Variants in FADS2 observed in about 807,000 individuals in gnomAD.
FADS2 encodes the protein fatty acid desaturase 2.
FADS2 carries 18 observed loss-of-function variants against 61.2 expected under a neutral mutation model. The ratio of observed to expected loss-of-function variants is 0.29; its 90% CI spans 0.20 to 0.44. The LOEUF (loss-of-function observed/expected upper bound fraction) is 0.44, where lower values mean the gene tolerates loss of function less well. FADS2 is among the 20% of genes least tolerant of loss of function. The pLI is 1.00. For missense variants in FADS2, 322 were observed against 572.7 expected (o/e 0.56, Z 4.47); for synonymous variants, 203 against 223.9 (o/e 0.91, Z 0.83).
At chr11:61,827,592 G>A (rs1325794071), upstream of FADS2, among the ~76,000 whole-genome samples, 3 of 152,222 alleles carry the variant, frequency 2.0e-5, no homozygotes, top group Admixed American at 1.3e-4. This position sits in a 1 kb window ranked among gnomAD's most constrained non-coding sequence, Gnocchi z 4.5. Flanking sequence ...CCAAGGAAGG[G>A]CGTCACCTAG....
At chr11:61,826,400 C>A (rs1409387705), upstream of FADS2, 6 of 702,372 alleles carry the variant, frequency 8.5e-6, no homozygotes, top group Admixed American at 2.0e-5. Flanking sequence ...AGGGCCTGAA[C>A]CTTCAAAGCC....
intron 1 of FADS2, among the ~76,000 whole-genome samples, chr11:61,818,566 G>A (rs548767333): frequency 7.2e-5 from 11 of 152,240 alleles, no homozygotes; most frequent in Admixed American, 3.3e-4. Flanking sequence ...TAAGAAAATC[G>A]CCAAGCTTAT....
At position 61,867,098 on chromosome 11, in the gene FADS2, T is replaced by C. The variant is rs2067478215; in HGVS notation, c.*1409T>C. On this transcript the variant is annotated 3_prime_UTR_variant, in exon 12 of 12. Coordinates refer to ENST00000278840, the MANE Select transcript of FADS2 (RefSeq NM_004265.4). ...TCTAACCCACTAATCAGTTCTTAGA[T>C]TCAGGGGAAGGGCAGGCACCAACAA... 2 of 152,194 alleles carry C rather than the reference T, an allele frequency of 1.3e-5. No individual in the cohort carries two copies. The highest frequency in any genetic ancestry group is 3.8e-4 in the East Asian group (2 of 5,278). The allele number at this position is 152,194 out of a possible 1,614,324, so 9.4% of individuals were successfully genotyped here. A position where few individuals can be genotyped will look rare whatever the true frequency, so the allele number is the denominator to read the frequency against.
chr11:61,851,157 C>T (rs1326395227), intron 5 of FADS2, among the ~76,000 whole-genome samples: 1 of 152,096 alleles, frequency 6.6e-6, no homozygotes, highest in East Asian at 1.9e-4. Context: ...ACTTGAGGCC[C>T]TCTGATAAGT....
At chr11:61,854,259 A>G (rs1036901477) in intron 5 of FADS2, 1 of 152,266 alleles carries the variant, frequency 6.6e-6, no homozygotes, top group Non-Finnish European at 1.5e-5. Context: ...CTGAGCCCCC[A>G]GTTGGGAAGA....
chr11:61,828,925 A>G lies in FADS2; in HGVS notation c.207+328A>G, dbSNP rs2067104904. ...GTTTGTCTGGAGGCAGGGACTCCCC[A>G]AGAGGGGCGCTCGGGCCAGACGGCT... is the stretch of plus-strand genomic sequence containing the variant. On this transcript the variant is annotated intron_variant, in intron 1 of 11. Coordinates refer to ENST00000278840, the MANE Select transcript of FADS2 (RefSeq NM_004265.4). The surrounding 1 kb of genome is among the most constrained non-coding windows in gnomAD (Gnocchi z 6.4). Among the ~76,000 whole-genome samples, 1 of 152,178 alleles carries G rather than the reference A, an allele frequency of 6.6e-6. No homozygotes were observed.
chr11:61,816,971 G>A lies in FADS2; in HGVS notation c.141+545G>A, dbSNP rs577380024. ...CGCGGGGAGCGAGATCCCGTCCCCC[G>A]GTGGGTCTTGGGCAACTCACAGCTG... On this transcript the variant is annotated intron_variant, in intron 1 of 11. Transcript: ENST00000257261. The surrounding 1 kb of genome is among the most constrained non-coding windows in gnomAD (Gnocchi z 7.0). 2.2e-6 allele frequency: 3 copies of A among 1,368,080 alleles called. No homozygotes were observed. Among genetic ancestry groups the A allele is most frequent in the South Asian group, 1.7e-5 (1 of 58,626 alleles). The allele number at this position is 1,368,080 out of a possible 1,614,324, so 84.7% of individuals were successfully genotyped here.
At chr11:61,863,957 C>A (rs1179101706) in intron 10 of FADS2, 171 bp downstream of exon 10, 7 of 604,074 alleles carry the variant, frequency 1.2e-5, no homozygotes. Flanking sequence ...AGGAGAGGGG[C>A]TCCCCTATTC....
chr11:61,828,536 G>T lies in FADS2; in HGVS notation c.146G>T (p.Trp49Leu). The T allele has an allele frequency of 6.2e-7, 1 of 1,614,030 alleles. No individual in the cohort carries two copies. The highest frequency in any genetic ancestry group is 1.3e-5 in the African/African-American group (1 of 75,058). The change falls in exon 1 of 12, where the codon TGG becomes TTG. Residue 49 changes from tryptophan to leucine, a missense_variant. Physicochemically the swap from Trp to Leu is moderately conservative, Grantham distance 61. Coordinates refer to ENST00000278840, the MANE Select transcript of FADS2 (RefSeq NM_004265.4). The surrounding 1 kb of genome is among the most constrained non-coding windows in gnomAD (Gnocchi z 6.4). ...CGCAAGGTTTACAACATCACCAAAT[G>T]GTCCATCCAGCACCCGGGGGGCCAG... ...IDRKVYNITK[W>L]SIQHPGGQRV... is the part of the protein sequence containing the mutation.
chr11:61,857,028 GA>G lies in FADS2; in HGVS notation c.765del (p.Lys255AsnfsTer14). The G allele has an allele frequency of 6.2e-7, 1 of 1,614,002 alleles. No individual in the cohort carries two copies. Among genetic ancestry groups the G allele is most frequent in the Non-Finnish European group, 8.5e-7 (1 of 1,179,946 alleles). Reference sequence around the variant, plus strand: ...CTCCTCAGTACGGCAAGAAGAAGCTGAAATACCTGCCCTACAATCACCAGCA... The same window carrying G: ...CTCCTCAGTACGGCAAGAAGAAGCTGAATACCTGCCCTACAATCACCAGCA... ...QPIEYGKKKL[K>X]YLPYNHQHEY... is the part of the protein sequence containing the mutation. On this transcript the variant is annotated frameshift_variant, in exon 6 of 12. Transcript: ENST00000278840. LOFTEE classifies it high-confidence loss of function.
chr11:61,857,985 G>A (rs868104257), intron 7 of FADS2, among the ~76,000 whole-genome samples: 6 of 152,282 alleles, frequency 3.9e-5, no homozygotes, highest in East Asian at 1.9e-4. Flanking sequence ...AAGCAGCAGC[G>A]ATGTGTTTTC....
intron 4 of FADS2, among the ~76,000 whole-genome samples, chr11:61,842,141 G>A (rs1045466953): frequency 9.2e-5 from 14 of 152,308 alleles, no homozygotes; most frequent in African/African-American, 2.6e-4. Flanking sequence ...TACATGTGGG[G>A]TGTAGCTTAT....
At chr11:61,861,661 C>T (rs1292119675) in intron 7 of FADS2, among the ~76,000 whole-genome samples, 2 of 152,232 alleles carry the variant, frequency 1.3e-5, no homozygotes, top group South Asian at 2.1e-4. Context: ...TGAGGTCCTG[C>T]CCTCGGCCAA....
intron 4 of FADS2, 159 bp from the exon 5 acceptor site, chr11:61,848,000 C>G (rs1163860904): frequency 1.3e-6 from 1 of 760,640 alleles, no homozygotes; most frequent in Non-Finnish European, 2.2e-6. Context: ...ATGCTCTGAG[C>G]TCAGTCATGG....
At chr11:61,820,886 C>T (rs2135947139) in intron 1 of FADS2, among the ~76,000 whole-genome samples, 1 of 152,162 alleles carries the variant, frequency 6.6e-6, no homozygotes, top group South Asian at 2.1e-4. Context: ...GGTGACAGAG[C>T]CAGACTCTGT....
intron 7 of FADS2, among the ~76,000 whole-genome samples, chr11:61,860,375 G>A (rs1021137429): frequency 2.6e-5 from 4 of 152,194 alleles, no homozygotes; most frequent in Non-Finnish European, 4.4e-5. Context: ...ACATGCTCTG[G>A]CAAGGTTCCC....
chr11:61,842,075 T>C (rs1432567005), intron 4 of FADS2, among the ~76,000 whole-genome samples: 1 of 152,228 alleles, frequency 6.6e-6, no homozygotes, highest in Admixed American at 6.5e-5. Flanking sequence ...ACCTGCTTCC[T>C]GAGAAAAGCT....
upstream of FADS2, among the ~76,000 whole-genome samples, chr11:61,825,752 G>C (rs1055963774): frequency 6.6e-6 from 1 of 151,974 alleles, no homozygotes; most frequent in African/African-American, 2.4e-5. Context: ...AATTAGCCGG[G>C]TGTGGTGGCA....
At position 61,863,056 on chromosome 11, in the gene FADS2, C is replaced by T; in HGVS notation, c.967C>T (p.Leu323Phe). The T allele has an allele frequency of 6.2e-7, 1 of 1,614,064 alleles. No homozygotes were observed. Among genetic ancestry groups the T allele is most frequent in the Non-Finnish European group, 8.5e-7 (1 of 1,179,872 alleles). The change falls in exon 8 of 12, where the codon CTC (leucine) becomes TTC (phenylalanine). Residue 323 changes from leucine to phenylalanine, a missense_variant. Physicochemically the swap from Leu to Phe is conservative, Grantham distance 22. Around this residue, in one of 3 missense-constraint regions of FADS2, gnomAD observed 221 missense variants for 427.9 expected, o/e 0.52. Transcript: ENST00000278840. The part of the protein sequence containing the change: ...FYGILGALLF[L>F]NFIRFLESHW... ...CGGCATCCTGGGAGCCCTCCTTTTCCTCAACTTCATCAGGTGCCTGGGCTT... is the reference window on the plus strand; with the variant it reads ...CGGCATCCTGGGAGCCCTCCTTTTCTTCAACTTCATCAGGTGCCTGGGCTT...
Sources: gnomAD v4.1 joint callset for allele counts (sites outside exome capture counted in the v4.1 genomes callset) on GRCh38, gnomAD v4.1.1 for gene constraint, gnomAD v4.1.1 regional missense constraint, Gnocchi (gnomAD v3.1) non-coding constraint, MANE v1.5 for transcripts, NCBI Gene and HGNC (gene_info 2026-07-23, HGNC 2026-07-21) for gene names.